The following ATRNL1 variants were observed in gnomAD, a reference collection of about 807,000 sequenced individuals.
ATRNL1 encodes attractin-like protein 1.
ATRNL1 carries 95 observed loss-of-function variants against 182.7 expected under a neutral mutation model. The ratio of observed to expected loss-of-function variants is 0.52; its 90% CI spans 0.44 to 0.62. The LOEUF is 0.62. Ranked by LOEUF, ATRNL1 falls within the 20% of genes least tolerant of loss-of-function variation. The probability of loss-of-function intolerance (pLI) is 0.00; values close to 1 mark genes in which losing one functional copy is unlikely to be tolerated. For synonymous variants in ATRNL1, 576 were observed against 568.3 expected (o/e 1.01, Z -0.19); for missense variants, 1,471 against 1,679.5 (o/e 0.88, Z 2.17).
At chr10:115,315,779 G>C in intron 18 of ATRNL1, 43 bp downstream of exon 18, 2 of 1,517,556 alleles carry the variant, frequency 1.3e-6, no homozygotes, top group Non-Finnish European at 9.0e-7. Context: ...TCTGCTTAAG[G>C]GATCCAAGAA....
At chr10:115,849,860 C>G (rs1951014640) in intron 28 of ATRNL1, among the ~76,000 whole-genome samples, 2 of 152,084 alleles carry the variant, frequency 1.3e-5, no homozygotes, top group Admixed American at 1.3e-4. Flanking sequence ...GAAAGCCTCT[C>G]TAAAATCAAC....
At chr10:115,136,034 GT>G (rs34129705) in intron 5 of ATRNL1, among the ~76,000 whole-genome samples, 66 of 143,046 alleles carry the variant, frequency 4.6e-4, no homozygotes, top group African/African-American at 9.4e-4. Flanking sequence ...TAATTAAATT[GT>G]TTTTTTTTTT....
chr10:115,800,087 G>A (rs1370636505), intron 27 of ATRNL1, among the ~76,000 whole-genome samples: 2 of 152,002 alleles, frequency 1.3e-5, no homozygotes, highest in Admixed American at 6.6e-5. Flanking sequence ...GGACGTGGTG[G>A]TGCGTGCCTG....
At chr10:115,658,704 C>G (rs1392840531) in intron 26 of ATRNL1, among the ~76,000 whole-genome samples, 1 of 152,090 alleles carries the variant, frequency 6.6e-6, no homozygotes, top group African/African-American at 2.4e-5. Context: ...TGCCTCTTCC[C>G]TGTAGAGTTG....
intron 28 of ATRNL1, among the ~76,000 whole-genome samples, chr10:115,942,102 A>G (rs1953748443): frequency 6.6e-6 from 1 of 152,226 alleles, no homozygotes; most frequent in Non-Finnish European, 1.5e-5. Flanking sequence ...TGCTAACACC[A>G]TAAATTTCTC....
intron 25 of ATRNL1, among the ~76,000 whole-genome samples, chr10:115,528,862 A>T (rs1383994220): frequency 6.6e-6 from 1 of 151,776 alleles, no homozygotes; most frequent in Non-Finnish European, 1.5e-5. Context: ...TTTCATTGTG[A>T]TTTTGTCTTT....
chr10:115,386,036 T>C (rs1352465853), intron 19 of ATRNL1, among the ~76,000 whole-genome samples: 1 of 152,162 alleles, frequency 6.6e-6, no homozygotes, highest in Admixed American at 6.5e-5. Context: ...TTTTTTTTCT[T>C]CATGTTTTAA....
At chr10:115,603,110 T>C (rs1249149847) in intron 26 of ATRNL1, among the ~76,000 whole-genome samples, 1 of 152,132 alleles carries the variant, frequency 6.6e-6, no homozygotes, top group Non-Finnish European at 1.5e-5. Flanking sequence ...ACCTGGAAGC[T>C]CTTTAAACTG....
intron 27 of ATRNL1, among the ~76,000 whole-genome samples, chr10:115,742,611 T>C (rs1948170352): frequency 6.6e-6 from 1 of 152,172 alleles, no homozygotes; most frequent in Non-Finnish European, 1.5e-5. Context: ...CTATCTGTCA[T>C]TGAGCTCTGC....
At chr10:115,495,986 T>G (rs1198836326) in intron 24 of ATRNL1, among the ~76,000 whole-genome samples, 3 of 152,192 alleles carry the variant, frequency 2.0e-5, no homozygotes, top group Non-Finnish European at 4.4e-5. Flanking sequence ...AGAACTTGTT[T>G]TATGAATTGG....
intron 26 of ATRNL1, among the ~76,000 whole-genome samples, chr10:115,629,035 T>C (rs1229730622): frequency 2.0e-5 from 3 of 152,202 alleles, no homozygotes; most frequent in Non-Finnish European, 2.9e-5. Context: ...TACCATTTTA[T>C]TTTTATATCA....
At chr10:115,800,005 G>A (rs566053976) in intron 27 of ATRNL1, among the ~76,000 whole-genome samples, 13 of 152,008 alleles carry the variant, frequency 8.6e-5, no homozygotes, top group Non-Finnish European at 1.6e-4. Context: ...TGGATCACCC[G>A]AGGTCAGGAG....
At chr10:115,457,366 G>A (rs1847578226) in intron 21 of ATRNL1, among the ~76,000 whole-genome samples, 1 of 151,976 alleles carries the variant, frequency 6.6e-6, no homozygotes, top group African/African-American at 2.4e-5. Flanking sequence ...TCGAGAGAGT[G>A]GGTGGGTTGG....
intron 24 of ATRNL1, among the ~76,000 whole-genome samples, chr10:115,496,539 A>G (rs1554978341): frequency 6.6e-6 from 1 of 151,440 alleles, no homozygotes; most frequent in Non-Finnish European, 1.5e-5. Flanking sequence ...AATCACATTT[A>G]TTGCTAGATT....
chr10:115,363,011 T>TTACAGTCCTTTGGGTATGAC (rs1856828682), intron 19 of ATRNL1, among the ~76,000 whole-genome samples: 1 of 152,032 alleles, frequency 6.6e-6, no homozygotes, highest in Non-Finnish European at 1.5e-5. Context: ...AGCAGCATGA[T>TTACAGTCCTTTGGGTATGAC]TTACAGTCCT....
rs145480941 is a variant in ATRNL1, at chr10:115,631,064, G to GC, written c.3795+81528_3795+81529insC. 8.8e-3 allele frequency among the ~76,000 whole-genome samples: 1,328 copies of GC among 151,252 alleles called. 23 individuals carry two copies. The highest frequency in any genetic ancestry group is 0.031 in the African/African-American group (1,255 of 40,860). ...GGACTATGCTTACCAGGGGTGGGGA[G>GC]GGGGGTGTGTACGGGAAATGGGGAG... On this transcript the variant is annotated intron_variant, in intron 26 of 28. Coordinates refer to ENST00000355044, the MANE Select transcript of ATRNL1 (RefSeq NM_207303.4).
At chr10:115,828,039 C>T (rs1294414882) in intron 27 of ATRNL1, among the ~76,000 whole-genome samples, 6 of 151,714 alleles carry the variant, frequency 4.0e-5, no homozygotes, top group Admixed American at 2.6e-4. Context: ...AGCCTGAAGC[C>T]GGGCACGGGG....
intron 26 of ATRNL1, among the ~76,000 whole-genome samples, chr10:115,697,308 A>T (rs948340126): frequency 6.6e-6 from 1 of 152,058 alleles, no homozygotes; most frequent in Non-Finnish European, 1.5e-5. Context: ...AGAATATCAC[A>T]GTTGGAATTT....
intron 28 of ATRNL1, among the ~76,000 whole-genome samples, chr10:115,864,671 G>T (rs1951393747): frequency 6.6e-6 from 1 of 152,156 alleles, no homozygotes; most frequent in Admixed American, 6.5e-5. Context: ...CTTCTTAAAT[G>T]TGTAACACCA....
Sources: allele counts gnomAD v4.1 joint callset (sites outside exome capture counted in the v4.1 genomes callset), GRCh38; gene constraint gnomAD v4.1.1; transcripts MANE v1.5; gene names NCBI Gene and HGNC (gene_info 2026-07-23, HGNC 2026-07-21).